Variants in ACP7 observed in about 807,000 individuals in gnomAD.
ACP7 encodes acid phosphatase type 7.
Under a neutral mutation model 60.6 loss-of-function variants are expected in ACP7, and 58 were observed. That is an observed-to-expected ratio of 0.96 (90% CI 0.77 to 1.19). The LOEUF (loss-of-function observed/expected upper bound fraction) is 1.19. Ranked by LOEUF, ACP7 falls within the 50% of genes most tolerant of loss-of-function variation. The probability of loss-of-function intolerance (pLI) is 0.00; values close to 1 mark genes in which losing one functional copy is unlikely to be tolerated. For missense variants in ACP7, 574 were observed against 596.2 expected, an observed-to-expected ratio of 0.96 and a Z score of 0.39; for synonymous variants, 237 against 232.6, an observed-to-expected ratio of 1.02 and a Z score of -0.17.
intron 2 of ACP7, among the ~76,000 whole-genome samples, chr19:39,088,018 A>G (rs1014770175): frequency 2.0e-5 from 3 of 152,004 alleles, no homozygotes; most frequent in Admixed American, 2.0e-4. Context: ...ATCTTCAAAG[A>G]AGATAGTTTC....
intron 2 of ACP7, among the ~76,000 whole-genome samples, chr19:39,087,163 C>T (rs2073152302): frequency 6.6e-6 from 1 of 152,044 alleles, no homozygotes; most frequent in African/African-American, 2.4e-5. Flanking sequence ...GCACCCACCA[C>T]CCCATACTTG....
At chr19:39,085,810 C>T (rs547877) in intron 2 of ACP7, among the ~76,000 whole-genome samples, 7 of 152,152 alleles carry the variant, frequency 4.6e-5, no homozygotes, top group East Asian at 1.9e-4. Flanking sequence ...GACTGCCTCC[C>T]GATCTTTGAT....
At chr19:39,093,323 C>T (rs913786599) in intron 2 of ACP7, among the ~76,000 whole-genome samples, 7 of 149,690 alleles carry the variant, frequency 4.7e-5, no homozygotes. Flanking sequence ...GGCACAATCT[C>T]AGCTCACTGC....
chr19:39,108,484 G>A (rs2073435572), intron 12 of ACP7, among the ~76,000 whole-genome samples: 1 of 151,950 alleles, frequency 6.6e-6, no homozygotes, highest in Non-Finnish European at 1.5e-5. Flanking sequence ...TCTGTGAGAG[G>A]GGATAATCAT....
intron 11 of ACP7, 45 bp from the exon 12 acceptor site, chr19:39,106,902 G>A (rs375196168): frequency 2.5e-5 from 40 of 1,606,410 alleles, no homozygotes; most frequent in Admixed American, 3.3e-5. Context: ...GCTTCCCCGC[G>A]GGTCCTCCAC....
chr19:39,099,223 G>T, intron 4 of ACP7, 81 bp downstream of exon 4: 1 of 1,352,076 alleles, frequency 7.4e-7, no homozygotes, highest in East Asian at 2.8e-5. Flanking sequence ...TCGGGGGCGC[G>T]CGGGTCGGGG....
intron 12 of ACP7, among the ~76,000 whole-genome samples, chr19:39,107,578 CAAAAAAA>C (rs34130688): frequency 1.2e-5 from 1 of 81,226 alleles, no homozygotes; most frequent in Non-Finnish European, 2.4e-5. Context: ...GACTCTGTCT[CAAAAAAA>C]AAAAAAAAAA....
rs1232182693 is a variant in ACP7, at chr19:39,088,536, G to A, written c.121+3146G>A. Reference sequence around the variant, plus strand: ...CTTTTTCAGCCTACACAGTAACAATGGCAAATACACTCTTATAAGTGCTTT... The same window carrying A: ...CTTTTTCAGCCTACACAGTAACAATAGCAAATACACTCTTATAAGTGCTTT... On this transcript the variant is annotated intron_variant, in intron 2 of 12. Transcript: ENST00000331256. Among the ~76,000 whole-genome samples the A allele has an allele frequency of 2.0e-5, 3 of 152,108 alleles. No individual in the cohort carries two copies. The East Asian group carries it at 5.8e-4, about 29-fold the overall frequency.
chr19:39,102,747 C>CTT (rs774120353), intron 11 of ACP7, among the ~76,000 whole-genome samples: 2 of 81,460 alleles, frequency 2.5e-5, no homozygotes, highest in African/African-American at 8.7e-5. Context: ...TTCTTTCTTT[C>CTT]TTTCTTTCTT....
intron 2 of ACP7, among the ~76,000 whole-genome samples, chr19:39,092,903 G>C (rs1318089216): frequency 6.7e-6 from 1 of 149,468 alleles, no homozygotes; most frequent in Non-Finnish European, 1.5e-5. Context: ...TCAGCCTCCT[G>C]AGTAGCTGGG....
intron 2 of ACP7, among the ~76,000 whole-genome samples, chr19:39,086,303 G>T (rs1311699559): frequency 6.6e-6 from 1 of 151,736 alleles, no homozygotes; most frequent in Non-Finnish European, 1.5e-5. Flanking sequence ...CTCCAGCCTG[G>T]GCAACAGAGA....
At chr19:39,098,253 C>CAAAAAAAAA (rs59373149) in intron 2 of ACP7, among the ~76,000 whole-genome samples, 116 of 64,930 alleles carry the variant, frequency 1.8e-3, no homozygotes, top group East Asian at 2.7e-3. Flanking sequence ...GACCCTGACT[C>CAAAAAAAAA]AAAAAAAAAA....
chr19:39,102,115 TTCTC>T (rs201692824), intron 11 of ACP7, among the ~76,000 whole-genome samples: 3 of 62,460 alleles, frequency 4.8e-5, no homozygotes, highest in Admixed American at 1.7e-4. Flanking sequence ...ATGAGACCCT[TTCTC>T]TCACACACAC....
rs542456574 is a variant in ACP7, at chr19:39,096,728, G to A, written c.122-1730G>A. On this transcript the variant is annotated intron_variant, in intron 2 of 12. Transcript: ENST00000331256. ...ACTGGGAAGAAAAAGAGGTTTAATTGGACTTACAGTTCCATATGGCTGGGG... is the reference window on the plus strand; with the variant it reads ...ACTGGGAAGAAAAAGAGGTTTAATTAGACTTACAGTTCCATATGGCTGGGG... 8.5e-5 allele frequency among the ~76,000 whole-genome samples: 13 copies of A among 152,280 alleles called. No homozygotes were observed. In the South Asian group the frequency reaches 2.7e-3, roughly 32 times the overall value.
intron 11 of ACP7, among the ~76,000 whole-genome samples, chr19:39,104,368 T>G (rs899457395): frequency 5.9e-5 from 9 of 151,722 alleles, no homozygotes; most frequent in Admixed American, 2.6e-4. Context: ...TTGGTGCACA[T>G]CAGAATTACC....
rs762272911 is a variant in ACP7 at position 39,101,551 on chromosome 19, A to G, written c.1113+14A>G. 9.9e-6 allele frequency: 16 copies of G among 1,612,570 alleles called. No individual in the cohort carries two copies. In the South Asian group the frequency reaches 1.6e-4, roughly 17 times the overall value. Reference sequence around the variant, plus strand: ...ACAGGATCTGCTGTGAGCAGGGGGAAGGGTGGCTTTGCCTTCTCTCTCTAT... The same window carrying G: ...ACAGGATCTGCTGTGAGCAGGGGGAGGGGTGGCTTTGCCTTCTCTCTCTAT... On this transcript the variant is annotated intron_variant, in intron 11 of 12. Transcript: ENST00000331256.
chr19:39,089,224 C>T (rs1308499779), intron 2 of ACP7, among the ~76,000 whole-genome samples: 1 of 151,936 alleles, frequency 6.6e-6, no homozygotes, highest in Non-Finnish European at 1.5e-5. Flanking sequence ...CCACTGTACC[C>T]GGCCCCTAAT....
Position 39,101,482 on chromosome 19 carries a change from G to T in ACP7, c.1058G>T (p.Arg353Leu). ...CTTCCCCAGGTATTTAACGGCAGCC[G>T]AGAGATGCCCTACACCAACCCGCGA... The part of the protein sequence containing the change: ...IYNYQVFNGS[R>L]EMPYTNPRGP... Residue 353 changes from arginine to leucine, a missense_variant, in exon 11 of 13, where the codon CGA (arginine) becomes CTA (leucine). Coordinates refer to ENST00000331256, the MANE Select transcript of ACP7 (RefSeq NM_001004318.3). 1 of 1,614,128 alleles carries T rather than the reference G, an allele frequency of 6.2e-7. No individual in the cohort carries two copies. Among genetic ancestry groups the T allele is most frequent in the Non-Finnish European group, 8.5e-7 (1 of 1,180,026 alleles).
At chr19:39,093,640 T>G (rs2144984626) in intron 2 of ACP7, among the ~76,000 whole-genome samples, 1 of 152,314 alleles carries the variant, frequency 6.6e-6, no homozygotes, top group East Asian at 1.9e-4. Flanking sequence ...TCTACCCACC[T>G]TGGCCTCCCA....
Sources: allele counts gnomAD v4.1 joint callset (sites outside exome capture counted in the v4.1 genomes callset), GRCh38; gene constraint gnomAD v4.1.1; transcripts MANE v1.5; gene names NCBI Gene and HGNC (gene_info 2026-07-23, HGNC 2026-07-21).